The following FGD3 variants were observed in gnomAD, a reference collection of about 807,000 sequenced individuals.
The protein encoded by FGD3 is FYVE, RhoGEF and PH domain-containing protein 3.
FGD3 carries 45 observed loss-of-function variants against 71.8 expected under a neutral mutation model. The ratio of observed to expected loss-of-function variants is 0.63; its 90% CI spans 0.49 to 0.80. FGD3 has a LOEUF of 0.80. Among genes scored for constraint, FGD3 ranks in the 30% least tolerant of loss-of-function variants. The pLI is 0.00. For synonymous variants in FGD3, 378 were observed against 392.8 expected, an observed-to-expected ratio of 0.96 and a Z score of 0.44; for missense variants, 844 against 951.5, an observed-to-expected ratio of 0.89 and a Z score of 1.49.
intron 1 of FGD3, among the ~76,000 whole-genome samples, chr9:92,974,132 G>A (rs1215881928): frequency 6.6e-6 from 1 of 152,116 alleles, no homozygotes; most frequent in Non-Finnish European, 1.5e-5. Flanking sequence ...AGTAAATCTG[G>A]TTTCTATTAC....
At chr9:92,978,151 A>T (rs561791476) in intron 3 of FGD3, among the ~76,000 whole-genome samples, 119 of 152,152 alleles carry the variant, frequency 7.8e-4, no homozygotes, top group African/African-American at 2.6e-3. Context: ...GTGTGGTGGC[A>T]CATGCCTGTA....
In FGD3 at chr9:92,976,607, C is replaced by T. The variant is rs1322853348; in HGVS notation, c.351C>T (p.Val117=). 10 of 1,612,708 alleles carry T rather than the reference C, an allele frequency of 6.2e-6. No homozygotes were observed. Among genetic ancestry groups the T allele is most frequent in the Non-Finnish European group, 7.6e-6 (9 of 1,179,914 alleles). Residue 117 remains valine (V), a synonymous_variant, in exon 3 of 18, where the codon GTC becomes GTT. Transcript: ENST00000375482. ...CAGAGATGGCCCTGGACAGCCAGGT[C>T]CCGAAGGTCACCCCCCAGGAGGAGG... ...AHAEMALDSQ[V]PKVTPQEEAD... is the part of the protein sequence containing the mutation.
chr9:93,014,670 C>A (rs900762836), intron 9 of FGD3, among the ~76,000 whole-genome samples: 8 of 152,104 alleles, frequency 5.3e-5, no homozygotes, highest in Admixed American at 2.6e-4. Context: ...AAGACAGAGT[C>A]TCGCTCTGTC....
At chr9:92,987,202 G>A (rs556932675) in intron 3 of FGD3, among the ~76,000 whole-genome samples, 1 of 152,288 alleles carries the variant, frequency 6.6e-6, no homozygotes, top group Admixed American at 6.5e-5. Flanking sequence ...GGAGGCTGAG[G>A]TGGGCAGATC....
chr9:92,980,724 CA>C (rs1859959247), intron 3 of FGD3, among the ~76,000 whole-genome samples: 2 of 152,052 alleles, frequency 1.3e-5, no homozygotes, highest in African/African-American at 2.4e-5. Flanking sequence ...GTAATTCCAG[CA>C]CTTTGGGAGG....
chr9:92,987,301 G>A (rs1382715361), intron 3 of FGD3, among the ~76,000 whole-genome samples: 1 of 151,874 alleles, frequency 6.6e-6, no homozygotes, highest in African/African-American at 2.4e-5. Context: ...GTGTGGTGGT[G>A]GGTGCCTGTA....
chr9:92,995,570 C>T (rs1860605815), intron 3 of FGD3, among the ~76,000 whole-genome samples: 1 of 152,170 alleles, frequency 6.6e-6, no homozygotes, highest in Admixed American at 6.5e-5. Flanking sequence ...AAAGGGAATG[C>T]TTCCAGTTTT....
intron 14 of FGD3, among the ~76,000 whole-genome samples, chr9:93,028,202 A>ACACG (rs1476419135): frequency 1.2e-5 from 1 of 82,370 alleles, no homozygotes; most frequent in African/African-American, 5.2e-5. Context: ...GCCCCGACAC[A>ACACG]CACACACACA....
intron 1 of FGD3, among the ~76,000 whole-genome samples, chr9:92,971,801 T>C (rs1185640030): frequency 6.6e-6 from 1 of 151,990 alleles, no homozygotes; most frequent in Non-Finnish European, 1.5e-5. Context: ...TGATGCATAA[T>C]GTTTAAAGTG....
chr9:93,032,221 G>T (rs1289605343), intron 15 of FGD3, among the ~76,000 whole-genome samples: 1 of 152,192 alleles, frequency 6.6e-6, no homozygotes, highest in Non-Finnish European at 1.5e-5. Context: ...ACCCCGAGTG[G>T]AACTGTGGCA....
chr9:93,021,037 CTG>C (rs1861898632), intron 13 of FGD3, among the ~76,000 whole-genome samples: 1 of 152,240 alleles, frequency 6.6e-6, no homozygotes. Context: ...CCCACAGAAA[CTG>C]AGTCTGAGGA....
At chr9:92,950,655 C>A (rs1564137629) in intron 1 of FGD3, among the ~76,000 whole-genome samples, 1 of 152,176 alleles carries the variant, frequency 6.6e-6, no homozygotes. Flanking sequence ...AGGAGGGGTT[C>A]ATTCAAGGCT....
intron 9 of FGD3, among the ~76,000 whole-genome samples, chr9:93,014,213 G>T (rs1861563953): frequency 6.6e-6 from 1 of 152,110 alleles, no homozygotes; most frequent in African/African-American, 2.4e-5. Context: ...TTTGCCAGTG[G>T]CTCTTCCCCA....
intron 3 of FGD3, among the ~76,000 whole-genome samples, chr9:92,990,175 C>T (rs574690951): frequency 7.9e-5 from 12 of 152,104 alleles, no homozygotes; most frequent in African/African-American, 2.9e-4. Flanking sequence ...TAGTGGCTCA[C>T]ACCTGTAATC....
At chr9:93,031,736 C>G (rs1037089979) in intron 15 of FGD3, among the ~76,000 whole-genome samples, 1 of 152,050 alleles carries the variant, frequency 6.6e-6, no homozygotes, top group African/African-American at 2.4e-5. Context: ...CTAGAATTTC[C>G]CAAGGTTTGA....
chr9:92,980,457 A>G (rs1859944996), intron 3 of FGD3, among the ~76,000 whole-genome samples: 1 of 151,978 alleles, frequency 6.6e-6, no homozygotes, highest in South Asian at 2.1e-4. Flanking sequence ...AGATATCTCT[A>G]TAGGTCTGAT....
intron 3 of FGD3, among the ~76,000 whole-genome samples, chr9:92,987,155 G>A (rs1467249980): frequency 6.6e-6 from 1 of 152,130 alleles, no homozygotes; most frequent in African/African-American, 2.4e-5. Flanking sequence ...AGAGGAGGCT[G>A]TGTGCAGTGG....
intron 17 of FGD3, 120 bp downstream of exon 17, chr9:93,034,801 G>T (rs1247192770): frequency 2.6e-6 from 3 of 1,169,312 alleles, no homozygotes; most frequent in Non-Finnish European, 3.5e-6. Context: ...GTTACCTGGG[G>T]CCTCAGTTTC....
Position 93,004,036 on chromosome 9 carries a change from T to C in FGD3, c.579T>C (p.Pro193=). 1 of 1,614,164 alleles carries C rather than the reference T, an allele frequency of 6.2e-7. No homozygotes were observed. Among genetic ancestry groups the C allele is most frequent in the Non-Finnish European group, 8.5e-7 (1 of 1,180,026 alleles). Residue 193 remains proline (P), a synonymous_variant, in exon 5 of 18, where the codon CCT becomes CCC. Coordinates refer to ENST00000375482, the MANE Select transcript of FGD3 (RefSeq NM_001083536.2). ...CCAGGCTGACGGATGCGGGGATCCC[T>C]CCAGAAGTCATCATGGGCATATTCT... The part of the protein sequence containing the change: ...FCTRLTDAGI[P]PEVIMGIFSN...
Sources: gnomAD v4.1 joint callset for allele counts (sites outside exome capture counted in the v4.1 genomes callset) on GRCh38, gnomAD v4.1.1 for gene constraint, MANE v1.5 for transcripts, NCBI Gene and HGNC (gene_info 2026-07-23, HGNC 2026-07-21) for gene names.